PUM1: variants seen among roughly 807,000 people sequenced by gnomAD.
PUM1 encodes pumilio homolog 1.
PUM1 carries 13 observed loss-of-function variants against 131.8 expected under a neutral mutation model. The ratio of observed to expected loss-of-function variants is 0.10; its 90% CI spans 0.06 to 0.16. The LOEUF is 0.16. Among genes scored for constraint, PUM1 ranks in the 10% least tolerant of loss-of-function variants. The pLI is 1.00. For synonymous variants in PUM1, 509 were observed against 556.5 expected (o/e 0.91, Z 1.20); for missense variants, 961 against 1,512.4 (o/e 0.64, Z 6.05).
At chr1:30,949,225 T>C (rs759348022) in intron 17 of PUM1, 32 of 402,752 alleles carry the variant, frequency 7.9e-5, no homozygotes, top group Middle Eastern at 8.1e-4. Flanking sequence ...AACCCCTCAA[T>C]TGAGAAGGGC....
At chr1:31,014,207 G>C (rs778585321) in intron 3 of PUM1, among the ~76,000 whole-genome samples, 2 of 151,598 alleles carry the variant, frequency 1.3e-5, no homozygotes, top group African/African-American at 2.4e-5. Flanking sequence ...TGACCTAGGT[G>C]GGAGGATCAC....
rs1272457408 is a variant in PUM1 at position 30,996,728 on chromosome 1, A to G, written c.721-1508T>C. ...ATTTAAAAGGACTGAATGATAACCA[A>G]TTATGCACCACATTGAGATTCCTCA... is the stretch of plus-strand genomic sequence containing the variant. On this transcript the variant is annotated intron_variant, in intron 5 of 21. Coordinates refer to ENST00000426105, the MANE Select transcript of PUM1 (RefSeq NM_001020658.2). Among the ~76,000 whole-genome samples, 3 of 152,214 alleles carry G rather than the reference A, an allele frequency of 2.0e-5. No homozygotes were observed. The East Asian group carries it at 5.8e-4, about 29-fold the overall frequency.
intron 6 of PUM1, among the ~76,000 whole-genome samples, chr1:30,993,356 A>AC (rs1338491152): frequency 1.1e-4 from 17 of 151,838 alleles, no homozygotes; most frequent in Admixed American, 3.3e-4. Flanking sequence ...AAAAAAAAAA[A>AC]AAAACAGGGC....
chr1:30,945,091 A>G (rs934500288), intron 18 of PUM1, among the ~76,000 whole-genome samples: 3 of 152,066 alleles, frequency 2.0e-5, no homozygotes, highest in Non-Finnish European at 4.4e-5. Context: ...AAAATGAGCC[A>G]GGTGTGGTGG....
At chr1:31,051,793 C>G (rs192992084) in intron 2 of PUM1, among the ~76,000 whole-genome samples, 3 of 152,258 alleles carry the variant, frequency 2.0e-5, no homozygotes, top group Non-Finnish European at 4.4e-5. Flanking sequence ...TAATCCAGTA[C>G]AGAGGCTACA....
chr1:30,946,509 C>T (rs984248008), intron 17 of PUM1, among the ~76,000 whole-genome samples: 7 of 151,404 alleles, frequency 4.6e-5, no homozygotes, highest in Admixed American at 6.6e-5. Flanking sequence ...TGGTGGTGCG[C>T]GCCTGTAATC....
intron 7 of PUM1, among the ~76,000 whole-genome samples, chr1:30,983,218 G>A (rs974763667): frequency 6.6e-6 from 1 of 152,242 alleles, no homozygotes; most frequent in African/African-American, 2.4e-5. Flanking sequence ...AAGAGGGGCA[G>A]CCAGGAGTGG....
At chr1:31,062,445 C>T (rs1210146737) in intron 1 of PUM1, among the ~76,000 whole-genome samples, 1 of 152,016 alleles carries the variant, frequency 6.6e-6, no homozygotes, top group African/African-American at 2.4e-5. Flanking sequence ...TATACTGAAA[C>T]CCCGTCTCTA....
intron 2 of PUM1, among the ~76,000 whole-genome samples, chr1:31,054,767 T>A (rs753931436): frequency 6.6e-6 from 1 of 152,232 alleles, no homozygotes; most frequent in East Asian, 1.9e-4. Context: ...TCAACATTTG[T>A]ATTCATCTCA....
chr1:30,933,036 A>T lies in PUM1; in HGVS notation c.*175T>A. 1.4e-6 allele frequency: 1 copy of T among 740,126 alleles called. No homozygotes were observed. The allele number at this position is 740,126 out of a possible 1,614,324, so 45.8% of individuals were successfully genotyped here. A position where few individuals can be genotyped will look rare whatever the true frequency, so the allele number is the denominator to read the frequency against. On this transcript the variant is annotated 3_prime_UTR_variant, in exon 22 of 22. Coordinates refer to ENST00000426105, the MANE Select transcript of PUM1 (RefSeq NM_001020658.2). The stretch of plus-strand genomic sequence containing the variant: ...TACATGTTATGTGTAATAAAATTAA[A>T]TTTACAAAGGCTTTTCCACTCGTGG...
rs1325839334 is a variant in PUM1, at chr1:30,957,874, CA to C, written c.2324-3894del. Among the ~76,000 whole-genome samples the C allele has an allele frequency of 2.0e-5, 3 of 152,308 alleles. No homozygotes were observed. The East Asian group carries it at 5.8e-4, about 29-fold the overall frequency. On this transcript the variant is annotated intron_variant, in intron 14 of 21. Coordinates refer to ENST00000426105, the MANE Select transcript of PUM1 (RefSeq NM_001020658.2). ...AAATGTTTTAAAAATAAGTTCTCTC[CA>C]ATTCATTCTCCAACACAACACCAAG... is the stretch of plus-strand genomic sequence containing the variant.
intron 2 of PUM1, 39 bp downstream of exon 2, chr1:31,059,165 A>G: frequency 6.6e-7 from 1 of 1,523,182 alleles, no homozygotes; most frequent in Non-Finnish European, 8.8e-7. Context: ...CAGTGATTAT[A>G]AAGGAATGTC....
intron 14 of PUM1, among the ~76,000 whole-genome samples, chr1:30,963,668 A>G (rs890131191): frequency 6.6e-6 from 1 of 152,168 alleles, no homozygotes; most frequent in African/African-American, 2.4e-5. Flanking sequence ...TCAAGTTCTC[A>G]CTTCTGAGTC....
At position 30,950,357 on chromosome 1, in the gene PUM1, A is replaced by T. The variant is rs534544073; in HGVS notation, c.2722-96T>A. Reference sequence around the variant, plus strand: ...ATTATTCTGCATCAACCACTGGCATAACCTCTTTTAGCCCTGATACCCATG... The same window carrying T: ...ATTATTCTGCATCAACCACTGGCATTACCTCTTTTAGCCCTGATACCCATG... On this transcript the variant is annotated intron_variant, in intron 16 of 21. Coordinates refer to ENST00000426105, the MANE Select transcript of PUM1 (RefSeq NM_001020658.2). 200 of 1,336,218 alleles carry T rather than the reference A, an allele frequency of 1.5e-4. No homozygotes were observed. In the African/African-American group the frequency reaches 2.6e-3, roughly 18 times the overall value. 82.8% of individuals were successfully genotyped at this position (1,336,218 alleles called of 1,614,324 possible).
chr1:30,952,476 G>C (rs1229829645), intron 15 of PUM1, 113 bp from the exon 16 acceptor site: 11 of 1,509,646 alleles, frequency 7.3e-6, no homozygotes, highest in African/African-American at 2.8e-5. Flanking sequence ...GTGAGCATGT[G>C]TGCACACACA....
rs184766986 is a variant in PUM1, at chr1:30,987,723, C to T, written c.1158+4667G>A. ...AGCATTTCAAGCTGACAAAATACTCCAAGTCAGAGGTTCTGAACCCAAGAT... is the reference window on the plus strand; with the variant it reads ...AGCATTTCAAGCTGACAAAATACTCTAAGTCAGAGGTTCTGAACCCAAGAT... On this transcript the variant is annotated intron_variant, in intron 7 of 21. Transcript: ENST00000426105. 1.2e-3 allele frequency among the ~76,000 whole-genome samples: 189 copies of T among 152,272 alleles called. 1 individual carries two copies. The highest frequency in any genetic ancestry group is 2.4e-3 in the Non-Finnish European group (164 of 68,010).
intron 20 of PUM1, among the ~76,000 whole-genome samples, chr1:30,940,780 C>T (rs182973394): frequency 6.6e-6 from 1 of 152,134 alleles, no homozygotes; most frequent in African/African-American, 2.4e-5. Context: ...CCTAAGAATA[C>T]TAAGGCCTAT....
Position 30,978,248 on chromosome 1 carries a change from C to T in PUM1, c.1354+1814G>A, listed in dbSNP as rs147314812. On this transcript the variant is annotated intron_variant, in intron 9 of 21. Transcript: ENST00000426105. ...TGGGCGAGAGAGCAAGACTCAGTCT[C>T]AAAAAAACAAAAAACAACAAATAAG... is the stretch of plus-strand genomic sequence containing the variant. Among the ~76,000 whole-genome samples, 541 of 151,808 alleles carry T rather than the reference C, an allele frequency of 3.6e-3. 2 individuals are homozygous for T. Among genetic ancestry groups the T allele is most frequent in the African/African-American group, 0.012 (511 of 41,412 alleles).
intron 7 of PUM1, among the ~76,000 whole-genome samples, chr1:30,990,728 C>G (rs1456679520): frequency 3.9e-5 from 6 of 152,168 alleles, no homozygotes; most frequent in Non-Finnish European, 8.8e-5. Flanking sequence ...GATAAAACAA[C>G]ACTCACATCA....
Sources: allele counts gnomAD v4.1 joint callset (sites outside exome capture counted in the v4.1 genomes callset), GRCh38; gene constraint gnomAD v4.1.1; transcripts MANE v1.5; gene names NCBI Gene and HGNC (gene_info 2026-07-23, HGNC 2026-07-21).